The following PLCG1 variants were observed in gnomAD, a reference collection of about 807,000 sequenced individuals.
The protein encoded by PLCG1 is phospholipase C gamma 1.
PLCG1 carries 71 observed loss-of-function variants against 177.8 expected under a neutral mutation model. The ratio of observed to expected loss-of-function variants is 0.40; its 90% CI spans 0.33 to 0.49. The LOEUF is 0.49. PLCG1 is among the 20% of genes least tolerant of loss of function. The probability of loss-of-function intolerance (pLI) is 0.72; values close to 1 mark genes in which losing one functional copy is unlikely to be tolerated. For synonymous variants in PLCG1, 658 were observed against 647.9 expected, an observed-to-expected ratio of 1.02 and a Z score of -0.24; for missense variants, 1,281 against 1,709.0, an observed-to-expected ratio of 0.75 and a Z score of 4.42.
chr20:41,173,314 C>T lies in PLCG1; in HGVS notation c.3280-106C>T. On this transcript the variant is annotated intron_variant, in intron 27 of 31. Coordinates refer to ENST00000685551, the MANE Select transcript of PLCG1 (RefSeq NM_002660.3). The surrounding 1 kb of genome is among the most constrained non-coding windows in gnomAD (Gnocchi z 6.2). ...CATGGGCAGTGTCCCGGGGGCCCAG[C>T]AGAGGGCGCGCTGCCTCCACTCCAC... 1 of 1,232,956 alleles carries T rather than the reference C, an allele frequency of 8.1e-7. No individual in the cohort carries two copies. The highest frequency in any genetic ancestry group is 1.1e-6 in the Non-Finnish European group (1 of 900,014). 76.4% of individuals were successfully genotyped at this position (1,232,956 alleles called of 1,614,324 possible). A position where few individuals can be genotyped will look rare whatever the true frequency, so the allele number is the denominator to read the frequency against.
rs1027380562 is a variant in PLCG1, at chr20:41,163,315, G to A, written c.789+40G>A. 1.3e-6 allele frequency: 2 copies of A among 1,594,040 alleles called. No homozygotes were observed. The highest frequency in any genetic ancestry group is 1.3e-5 in the African/African-American group (1 of 74,180). ...ACATTGGCCCAGGCTGGTAGGTTGT[G>A]GGGGGCTGGGCTCATCCCTGACTGG... On this transcript the variant is annotated intron_variant, in intron 8 of 31. Transcript: ENST00000685551. The surrounding 1 kb of genome is among the most constrained non-coding windows in gnomAD (Gnocchi z 5.2).
In PLCG1 at chr20:41,174,209, G is replaced by A. The variant is rs199859278; in HGVS notation, c.3731G>A (p.Arg1244Gln). 9 of 1,614,050 alleles carry A rather than the reference G, an allele frequency of 5.6e-6. No individual in the cohort carries two copies. Among genetic ancestry groups the A allele is most frequent in the South Asian group, 3.3e-5 (3 of 91,078 alleles). The change falls in exon 31 of 32, where the codon CGA becomes CAA. Residue 1244 changes from arginine (R) to glutamine (Q), a missense_variant. By Grantham distance (43) the Arg-to-Gln change is conservative (BLOSUM62 1). Around this residue, in one of 4 missense-constraint regions of PLCG1, gnomAD observed 153 missense variants for 153.2 expected, o/e 1.00. Coordinates refer to ENST00000685551, the MANE Select transcript of PLCG1 (RefSeq NM_002660.3). This position sits in a 1 kb window ranked among gnomAD's most constrained non-coding sequence, Gnocchi z 5.8. ...GCCTCAGGCCAGCTGTTTCATGGCCGAGCCCGGGAAGGCTCCTTTGAATCC... is the reference window on the plus strand; with the variant it reads ...GCCTCAGGCCAGCTGTTTCATGGCCAAGCCCGGGAAGGCTCCTTTGAATCC... ...SDASGQLFHG[R>Q]AREGSFESRY...
rs752241982 is a variant in PLCG1 at position 41,137,705 on chromosome 20, G to T, written c.64G>T (p.Val22Leu). ...GCCCGGCGCGCCCTCGGACGCCGAG[G>T]TGCTGCACCTCTGCCGCAGCCTCGA... ...CGPGAPSDAE[V>L]LHLCRSLEVG... is the part of the protein sequence containing the mutation. Residue 22 changes from valine (V) to leucine (L), a missense_variant, in exon 1 of 32, where the codon GTG (valine) becomes TTG (leucine). By Grantham distance (32) the Val-to-Leu change is conservative (BLOSUM62 1). This residue lies in a region of PLCG1 where 374 missense variants were observed against 443.8 expected (regional missense o/e 0.84). Coordinates refer to ENST00000685551, the MANE Select transcript of PLCG1 (RefSeq NM_002660.3). This position sits in a 1 kb window ranked among gnomAD's most constrained non-coding sequence, Gnocchi z 7.3. 1.1e-5 allele frequency: 15 copies of T among 1,312,704 alleles called. No homozygotes were observed. The highest frequency in any genetic ancestry group is 3.9e-6 in the Non-Finnish European group (4 of 1,026,628). 81.3% of individuals were successfully genotyped at this position (1,312,704 alleles called of 1,614,324 possible). A position where few individuals can be genotyped will look rare whatever the true frequency, so the allele number is the denominator to read the frequency against.
At position 41,172,365 on chromosome 20, in the gene PLCG1, CCCCCAA is replaced by C. The variant is rs1191543753; in HGVS notation, c.2906-54_2906-49del. ...GGTGCAAAAAGAGTATTTAGGTATC[CCCCCAA>C]CACTTCCTGGGTGGGCGGGCTCTGT... On this transcript the variant is annotated intron_variant, in intron 25 of 31. Transcript: ENST00000685551. This position sits in a 1 kb window ranked among gnomAD's most constrained non-coding sequence, Gnocchi z 7.0. 6.3e-7 allele frequency: 1 copy of C among 1,577,778 alleles called. No homozygotes were observed. The highest frequency in any genetic ancestry group is 1.7e-5 in the Admixed American group (1 of 59,944).
chr20:41,144,071 T>A lies in PLCG1; in HGVS notation c.217+6213T>A. Among the ~76,000 whole-genome samples, 1 of 152,174 alleles carries A rather than the reference T, an allele frequency of 6.6e-6. No homozygotes were observed. Among genetic ancestry groups the A allele is most frequent in the Non-Finnish European group, 1.5e-5 (1 of 68,032 alleles). ...ACAGAGGACTGGGGCATCAAAAAAC[T>A]CTGGAATTGGAATAGCATATTGGGA... On this transcript the variant is annotated intron_variant, in intron 1 of 31. Transcript: ENST00000685551. This position sits in a 1 kb window ranked among gnomAD's most constrained non-coding sequence, Gnocchi z 4.1.
At chr20:41,141,498 A>G (rs2034825119) in intron 1 of PLCG1, among the ~76,000 whole-genome samples, 1 of 152,220 alleles carries the variant, frequency 6.6e-6, no homozygotes. Flanking sequence ...AGCAGACCAC[A>G]CCAGGAGGCC....
rs2035674523 is a variant in PLCG1, at chr20:41,165,978, ACT to A, written c.1799+157_1799+158del. On this transcript the variant is annotated intron_variant, in intron 16 of 31. Coordinates refer to ENST00000685551, the MANE Select transcript of PLCG1 (RefSeq NM_002660.3). The surrounding 1 kb of genome is among the most constrained non-coding windows in gnomAD (Gnocchi z 6.6). ...TAATTTCACCTACATACACACACAC[ACT>A]CTCTGTCTCACCCCCCCCCCATACC... The A allele has an allele frequency of 5.9e-6, 4 of 682,620 alleles. No homozygotes were observed. Among genetic ancestry groups the A allele is most frequent in the East Asian group, 5.7e-5 (2 of 35,116 alleles). 42.3% of individuals were successfully genotyped at this position (682,620 alleles called of 1,614,324 possible). A position where few individuals can be genotyped will look rare whatever the true frequency, so the allele number is the denominator to read the frequency against.
chr20:41,165,749 C>T lies in PLCG1; in HGVS notation c.1722C>T (p.Ile574=), dbSNP rs146548575. The T allele has an allele frequency of 1.3e-5, 21 of 1,612,396 alleles. No homozygotes were observed. Among genetic ancestry groups the T allele is most frequent in the African/African-American group, 8.0e-5 (6 of 74,898 alleles). ...IAERLLTEYC[I]ETGAPDGSFL... Reference sequence around the variant, plus strand: ...AGCGCCTGCTTACTGAGTACTGCATCGAGACCGGAGCCCCTGACGGCTCCT... The same window carrying T: ...AGCGCCTGCTTACTGAGTACTGCATTGAGACCGGAGCCCCTGACGGCTCCT... The change falls in exon 16 of 32, where the codon ATC becomes ATT. Residue 574 remains isoleucine, a synonymous_variant. Transcript: ENST00000685551. The surrounding 1 kb of genome is among the most constrained non-coding windows in gnomAD (Gnocchi z 6.6).
rs544131478 is a variant in PLCG1 at position 41,159,549 on chromosome 20, T to C, written c.218-57T>C. ...ATGAGGAAACCAGGCTGCCCTCCTTTCGGTGTTGACTCTGGGAGACCCCAG... is the reference window on the plus strand; with the variant it reads ...ATGAGGAAACCAGGCTGCCCTCCTTCCGGTGTTGACTCTGGGAGACCCCAG... On this transcript the variant is annotated intron_variant, in intron 1 of 31. Coordinates refer to ENST00000685551, the MANE Select transcript of PLCG1 (RefSeq NM_002660.3). The surrounding 1 kb of genome is among the most constrained non-coding windows in gnomAD (Gnocchi z 6.0). The C allele has an allele frequency of 6.3e-7, 1 of 1,581,534 alleles. No homozygotes were observed. Among genetic ancestry groups the C allele is most frequent in the African/African-American group, 1.4e-5 (1 of 73,950 alleles).
rs959554464 is a variant in PLCG1, at chr20:41,162,833, C to A, written c.681+108C>A. ...GCCCTGCTTAGGGGCTTTTGGGTGC[C>A]ATTTCTCCAGTTCTTCTCCTCTTGA... On this transcript the variant is annotated intron_variant, in intron 6 of 31. Transcript: ENST00000685551. 8 of 1,332,142 alleles carry A rather than the reference C, an allele frequency of 6.0e-6. No homozygotes were observed. The South Asian group carries it at 9.6e-5, about 16-fold the overall frequency. 82.5% of individuals were successfully genotyped at this position (1,332,142 alleles called of 1,614,324 possible).
chr20:41,148,277 G>A lies in PLCG1; in HGVS notation c.217+10419G>A, dbSNP rs1227803909. Among the ~76,000 whole-genome samples the A allele has an allele frequency of 6.6e-6, 1 of 152,204 alleles. No homozygotes were observed. The highest frequency in any genetic ancestry group is 1.5e-5 in the Non-Finnish European group (1 of 68,026). On this transcript the variant is annotated intron_variant, in intron 1 of 31. Transcript: ENST00000685551. The surrounding 1 kb of genome is among the most constrained non-coding windows in gnomAD (Gnocchi z 4.3). ...AAGGTTGGGGTGGTGAGATGTCATGGGGTTCAGGGAGTGGCAGAGGGGAAG... is the reference window on the plus strand; with the variant it reads ...AAGGTTGGGGTGGTGAGATGTCATGAGGTTCAGGGAGTGGCAGAGGGGAAG...
Position 41,159,960 on chromosome 20 carries a change from A to C in PLCG1, c.461A>C (p.Glu154Ala). ...TLQAPTPLQI[E>A]RWLRKQFYSV... ...CAGGCACCCACACCCCTGCAGATTG[A>C]GAGGTAAGAACCACTCCTGAAGGGG... Residue 154 changes from glutamate to alanine, a missense_variant, in exon 3 of 32, where the codon GAG (glutamate) becomes GCG (alanine). Transcript: ENST00000685551. The surrounding 1 kb of genome is among the most constrained non-coding windows in gnomAD (Gnocchi z 6.0). 6.2e-7 allele frequency: 1 copy of C among 1,613,328 alleles called. No individual in the cohort carries two copies. Among genetic ancestry groups the C allele is most frequent in the East Asian group, 2.2e-5 (1 of 44,876 alleles).
rs2035421790 is a variant in PLCG1 at position 41,159,402 on chromosome 20, G to T, written c.218-204G>T. Among the ~76,000 whole-genome samples, 1 of 152,154 alleles carries T rather than the reference G, an allele frequency of 6.6e-6. No individual in the cohort carries two copies. The highest frequency in any genetic ancestry group is 2.4e-5 in the African/African-American group (1 of 41,426). ...ACCTTTCCCCCATATAGCCCTCTCTGACATCTCAGCCCTTACTTAGCAAAG... is the reference window on the plus strand; with the variant it reads ...ACCTTTCCCCCATATAGCCCTCTCTTACATCTCAGCCCTTACTTAGCAAAG... On this transcript the variant is annotated intron_variant, in intron 1 of 31. Coordinates refer to ENST00000685551, the MANE Select transcript of PLCG1 (RefSeq NM_002660.3). The surrounding 1 kb of genome is among the most constrained non-coding windows in gnomAD (Gnocchi z 6.0).
At chr20:41,139,751 G>T (rs1394078249) in intron 1 of PLCG1, among the ~76,000 whole-genome samples, 2 of 152,118 alleles carry the variant, frequency 1.3e-5, no homozygotes, top group African/African-American at 4.8e-5. Flanking sequence ...CCTGAACTGG[G>T]AATGGTGAGG....
intron 4 of PLCG1, among the ~76,000 whole-genome samples, chr20:41,161,620 G>T: frequency 6.6e-6 from 1 of 152,092 alleles, no homozygotes; most frequent in East Asian, 1.9e-4. Flanking sequence ...CCCTCCCTCC[G>T]CAGTGCTTGA....
intron 1 of PLCG1, among the ~76,000 whole-genome samples, chr20:41,149,326 C>T (rs1254295187): frequency 1.3e-5 from 2 of 152,094 alleles, no homozygotes; most frequent in Non-Finnish European, 2.9e-5. Flanking sequence ...GTGCTCAGAA[C>T]GTATGGTTAA....
rs1203889521 is a variant in PLCG1 at position 41,172,777 on chromosome 20, G to C, written c.3179G>C (p.Cys1060Ser). Reference sequence around the variant, plus strand: ...GCCCTCTTCATGACGGGCAGGCACTGTGGCTACGTGCTGCAGCCAAGCACC... The same window carrying C: ...GCCCTCTTCATGACGGGCAGGCACTCTGGCTACGTGCTGCAGCCAAGCACC... ...NQALFMTGRH[C>S]GYVLQPSTMR... Residue 1060 changes from cysteine (C) to serine (S), a missense_variant, in exon 27 of 32, where the codon TGT (cysteine) becomes TCT (serine). Cys to Ser is a moderately radical substitution (Grantham distance 112). Transcript: ENST00000685551. This position sits in a 1 kb window ranked among gnomAD's most constrained non-coding sequence, Gnocchi z 7.0. 1.2e-6 allele frequency: 2 copies of C among 1,614,154 alleles called. No individual in the cohort carries two copies. The highest frequency in any genetic ancestry group is 2.2e-5 in the South Asian group (2 of 91,084).
At position 41,172,937 on chromosome 20, in the gene PLCG1, T is replaced by C; in HGVS notation, c.3279+60T>C. The C allele has an allele frequency of 6.4e-7, 1 of 1,561,886 alleles. No individual in the cohort carries two copies. Among genetic ancestry groups the C allele is most frequent in the South Asian group, 1.2e-5 (1 of 86,774 alleles). On this transcript the variant is annotated intron_variant, in intron 27 of 31. Coordinates refer to ENST00000685551, the MANE Select transcript of PLCG1 (RefSeq NM_002660.3). The surrounding 1 kb of genome is among the most constrained non-coding windows in gnomAD (Gnocchi z 7.0). ...AGGGGCTGCTTGCCGTTGGAGTCTGTTTATGTTGAGTTCTCCAAAAGTAGG... is the reference window on the plus strand; with the variant it reads ...AGGGGCTGCTTGCCGTTGGAGTCTGCTTATGTTGAGTTCTCCAAAAGTAGG...
chr20:41,143,172 A>C (rs1161096317), intron 1 of PLCG1, among the ~76,000 whole-genome samples: 1 of 152,194 alleles, frequency 6.6e-6, no homozygotes, highest in Non-Finnish European at 1.5e-5. Flanking sequence ...CGCTATCTGG[A>C]GAGATCTTGT....
Sources: gnomAD v4.1 joint callset for allele counts (sites outside exome capture counted in the v4.1 genomes callset) on GRCh38, gnomAD v4.1.1 for gene constraint, gnomAD v4.1.1 regional missense constraint, Gnocchi (gnomAD v3.1) non-coding constraint, MANE v1.5 for transcripts, NCBI Gene and HGNC (gene_info 2026-07-23, HGNC 2026-07-21) for gene names.